Variants in CALN1 observed in about 807,000 individuals in gnomAD.
The protein encoded by CALN1 is calcium-binding protein 8.
A neutral mutation model predicts 30.6 loss-of-function variants in CALN1; 17 were observed. The observed-to-expected ratio is 0.56, with a 90% CI of 0.38 to 0.83. The LOEUF (loss-of-function observed/expected upper bound fraction) is 0.83. CALN1 is among the 40% of genes least tolerant of loss of function. CALN1 has a pLI of 0.00. For missense variants in CALN1, 291 were observed against 354.9 expected (o/e 0.82, Z 1.45); for synonymous variants, 156 against 131.4 (o/e 1.19, Z -1.28).
chr7:72,188,887 G>A (rs138185338), intron 3 of CALN1, among the ~76,000 whole-genome samples: 27 of 152,148 alleles, frequency 1.8e-4, no homozygotes, highest in African/African-American at 5.3e-4. Flanking sequence ...CCAGGTACCC[G>A]AGAGGTATCC....
At chr7:72,034,511 G>T (rs1801664595) in intron 4 of CALN1, among the ~76,000 whole-genome samples, 1 of 151,630 alleles carries the variant, frequency 6.6e-6, no homozygotes, top group African/African-American at 2.4e-5. Context: ...TCCAGGATGT[G>T]CCCGGGAACG....
intron 5 of CALN1, among the ~76,000 whole-genome samples, chr7:71,943,257 A>C (rs549911630): frequency 1.3e-5 from 2 of 152,162 alleles, no homozygotes; most frequent in African/African-American, 4.8e-5. Flanking sequence ...TAAAACACAC[A>C]CGCGAAACAA....
intron 4 of CALN1, among the ~76,000 whole-genome samples, chr7:72,045,117 G>A (rs777350896): frequency 6.6e-6 from 1 of 152,232 alleles, no homozygotes; most frequent in Non-Finnish European, 1.5e-5. Flanking sequence ...GCTGAAGATA[G>A]TCATCCATTT....
intron 4 of CALN1, among the ~76,000 whole-genome samples, chr7:72,081,089 T>G (rs1805105703): frequency 2.0e-5 from 3 of 152,160 alleles, no homozygotes; most frequent in Admixed American, 1.3e-4. Context: ...GGCCTGGACA[T>G]TTGTTCCTCA....
At chr7:72,233,393 A>G (rs1794249366) in intron 3 of CALN1, among the ~76,000 whole-genome samples, 1 of 152,118 alleles carries the variant, frequency 6.6e-6, no homozygotes, top group Non-Finnish European at 1.5e-5. Flanking sequence ...AAGAGAAGGC[A>G]GTGTTCACAA....
At chr7:72,229,935 G>C (rs1472023863) in intron 3 of CALN1, among the ~76,000 whole-genome samples, 1 of 151,928 alleles carries the variant, frequency 6.6e-6, no homozygotes, top group Non-Finnish European at 1.5e-5. Flanking sequence ...GAGGTCAGGA[G>C]ATCGAGACCA....
intron 3 of CALN1, among the ~76,000 whole-genome samples, chr7:72,179,099 CA>C (rs200866847): frequency 0.011 from 1,680 of 152,254 alleles, 21 homozygotes; most frequent in Middle Eastern, 0.037. Context: ...CAGTTGAACT[CA>C]TATCTCACAC....
intron 3 of CALN1, among the ~76,000 whole-genome samples, chr7:72,271,575 A>AAAAAAAAATATATAT: frequency 2.1e-4 from 11 of 52,124 alleles, no homozygotes; most frequent in South Asian, 1.2e-3. Flanking sequence ...AAAAAAAAAA[A>AAAAAAAAATATATAT]ATATATATAT....
At chr7:72,024,635 G>A (rs1233850321) in intron 4 of CALN1, among the ~76,000 whole-genome samples, 1 of 152,120 alleles carries the variant, frequency 6.6e-6, no homozygotes, top group Non-Finnish European at 1.5e-5. Context: ...CTGACCTCAA[G>A]TGATCCGCCT....
intron 4 of CALN1, among the ~76,000 whole-genome samples, chr7:72,024,103 C>T (rs1412713093): frequency 6.6e-6 from 1 of 152,188 alleles, no homozygotes; most frequent in Non-Finnish European, 1.5e-5. Context: ...ATGGAAGTGG[C>T]AGCTTCACCC....
At chr7:72,322,264 C>G (rs2138762) in intron 2 of CALN1, among the ~76,000 whole-genome samples, 149,775 of 152,216 alleles carry the variant, frequency 0.98, 73,729 homozygotes, top group Middle Eastern at 1. Context: ...TCACAATAGG[C>G]TTCCTATGAG....
In CALN1 at chr7:71,963,225, C is replaced by T. The variant is rs187454431; in HGVS notation, c.501+60432G>A. ...TCACCCAGGCTGGAGTGCGGCGGCG[C>T]GATCTCGGCTCACTGCAACCTCCGA... On this transcript the variant is annotated intron_variant, in intron 5 of 6. Coordinates refer to ENST00000395275, the MANE Select transcript of CALN1 (RefSeq NM_031468.4). Among the ~76,000 whole-genome samples, 328 of 152,212 alleles carry T rather than the reference C, an allele frequency of 2.2e-3. 2 individuals are homozygous for T. The highest frequency in any genetic ancestry group is 7.6e-3 in the African/African-American group (316 of 41,536).
chr7:72,337,420 G>A, intron 2 of CALN1, among the ~76,000 whole-genome samples: 1 of 20,808 alleles, frequency 4.8e-5, no homozygotes, highest in African/African-American at 1.2e-4. Flanking sequence ...TCACACTCGC[G>A]CGCACACACA....
chr7:72,327,089 A>G (rs1801330894), intron 2 of CALN1, among the ~76,000 whole-genome samples: 1 of 152,218 alleles, frequency 6.6e-6, no homozygotes, highest in Admixed American at 6.5e-5. Context: ...TGTGGCAGTT[A>G]ATTCCTGACA....
At chr7:72,478,887 C>CTTTTTTTTTTTTTTTTT in the CALN1 span, among the ~76,000 whole-genome samples, 402 of 139,204 alleles carry the variant, frequency 2.9e-3, 13 homozygotes, top group African/African-American at 6.4e-3. Flanking sequence ...CGAACCACTT[C>CTTTTTTTTTTTTTTTTT]TTTTTTTTTT....
At chr7:72,406,958 T>G (rs1039847932) in intron 1 of CALN1, among the ~76,000 whole-genome samples, 2 of 152,076 alleles carry the variant, frequency 1.3e-5, no homozygotes, top group African/African-American at 4.8e-5. Context: ...CCCACTTCCT[T>G]TAGCACTGAA....
the CALN1 span, among the ~76,000 whole-genome samples, chr7:72,462,546 G>A: frequency 1.3e-5 from 2 of 152,142 alleles, no homozygotes; most frequent in Non-Finnish European, 1.5e-5. Flanking sequence ...TGATGAGGTC[G>A]AGCAGTAAGG....
intron 5 of CALN1, among the ~76,000 whole-genome samples, chr7:71,949,042 C>G (rs1796553307): frequency 1.7e-5 from 1 of 57,490 alleles, no homozygotes. Context: ...GACTCTGTCT[C>G]TTAAAAAAAA....
intron 2 of CALN1, among the ~76,000 whole-genome samples, chr7:72,375,854 T>A (rs1346640366): frequency 6.6e-6 from 1 of 152,190 alleles, no homozygotes; most frequent in East Asian, 1.9e-4. Flanking sequence ...GTATAACTAT[T>A]ACAACTATCT....
Sources: gnomAD v4.1 joint callset for allele counts (sites outside exome capture counted in the v4.1 genomes callset) on GRCh38, gnomAD v4.1.1 for gene constraint, MANE v1.5 for transcripts, NCBI Gene and HGNC (gene_info 2026-07-23, HGNC 2026-07-21) for gene names.